USP15: variants seen among roughly 807,000 people sequenced by gnomAD.
USP15 encodes the protein ubiquitin carboxyl-terminal hydrolase 15.
USP15 carries 18 observed loss-of-function variants against 127.1 expected under a neutral mutation model. The observed-to-expected ratio is 0.14, with a 90% confidence interval of 0.10 to 0.21. The LOEUF is 0.21. Among genes scored for constraint, USP15 ranks in the 10% least tolerant of loss-of-function variants. USP15 has a pLI of 1.00. For missense variants in USP15, 805 were observed against 1,159.9 expected (o/e 0.69, Z 4.44); for synonymous variants, 364 against 393.7 (o/e 0.92, Z 0.89).
intron 6 of USP15, among the ~76,000 whole-genome samples, chr12:62,333,482 A>G (rs2065365311): frequency 6.6e-6 from 1 of 151,832 alleles, no homozygotes; most frequent in African/African-American, 2.4e-5. Flanking sequence ...TGTTTTTATA[A>G]AGATGGGGTT....
At chr12:62,295,216 A>G (rs2064094481) in intron 2 of USP15, among the ~76,000 whole-genome samples, 1 of 152,190 alleles carries the variant, frequency 6.6e-6, no homozygotes, top group South Asian at 2.1e-4. Context: ...AGGTCAGACA[A>G]GGTACCACTG....
intron 19 of USP15, 99 bp from the exon 20 acceptor site, chr12:62,396,196 A>G (rs1278520125): frequency 1.4e-6 from 1 of 708,538 alleles, no homozygotes; most frequent in Non-Finnish European, 2.2e-6. Flanking sequence ...GGATAGATAT[A>G]GATATATATA....
intron 3 of USP15, among the ~76,000 whole-genome samples, chr12:62,309,601 A>C (rs932462381): frequency 2.0e-5 from 3 of 152,074 alleles, no homozygotes; most frequent in African/African-American, 7.2e-5. Flanking sequence ...AGGACATTAC[A>C]AGAAAGAAAA....
At chr12:62,293,656 G>C (rs1383608556) in intron 1 of USP15, among the ~76,000 whole-genome samples, 1 of 152,118 alleles carries the variant, frequency 6.6e-6, no homozygotes, top group African/African-American at 2.4e-5. Flanking sequence ...GCGCCCGGCT[G>C]TAATTTTGGT....
Position 62,277,084 on chromosome 12 carries a change from C to T in USP15, c.89+16581C>T, listed in dbSNP as rs573995878. Among the ~76,000 whole-genome samples, 21 of 152,196 alleles carry T rather than the reference C, an allele frequency of 1.4e-4. No individual in the cohort carries two copies. In the South Asian group the frequency reaches 4.4e-3, roughly 32 times the overall value. On this transcript the variant is annotated intron_variant, in intron 1 of 21. Transcript: ENST00000280377. ...TATGTGAAGATGTATCTATACATAA[C>T]TTCTGTGTTAAACAAAAGACGTTTA...
At chr12:62,388,117 ATTTTTTTTT>A (rs58192089) in intron 11 of USP15, among the ~76,000 whole-genome samples, 30 of 106,598 alleles carry the variant, frequency 2.8e-4, no homozygotes, top group Admixed American at 1.2e-3. Flanking sequence ...AATGGTGAAG[ATTTTTTTTT>A]TTTTTTTTTT....
chr12:62,296,544 A>G (rs557853469), intron 2 of USP15, among the ~76,000 whole-genome samples: 1 of 152,322 alleles, frequency 6.6e-6, no homozygotes, highest in South Asian at 2.1e-4. Context: ...ATACATACCT[A>G]CCTAATGGCA....
intron 8 of USP15, among the ~76,000 whole-genome samples, chr12:62,358,304 TTAC>T (rs1283645800): frequency 6.6e-6 from 1 of 152,224 alleles, no homozygotes; most frequent in Non-Finnish European, 1.5e-5. Context: ...TTTAACATTA[TTAC>T]TGTTATTATT....
intron 3 of USP15, among the ~76,000 whole-genome samples, chr12:62,307,066 A>G (rs2064507315): frequency 6.6e-6 from 1 of 152,182 alleles, no homozygotes; most frequent in Admixed American, 6.6e-5. Flanking sequence ...CTTATCCTAC[A>G]GAACATTTGT....
intron 20 of USP15, among the ~76,000 whole-genome samples, chr12:62,399,668 T>C (rs1307226176): frequency 6.6e-6 from 1 of 152,178 alleles, no homozygotes; most frequent in African/African-American, 2.4e-5. Flanking sequence ...TCCATCTCTT[T>C]CTACGGTTTC....
chr12:62,358,421 A>G (rs1424502886), intron 8 of USP15, among the ~76,000 whole-genome samples: 9 of 152,186 alleles, frequency 5.9e-5, no homozygotes, highest in Admixed American at 2.0e-4. Context: ...AAAAATAACA[A>G]TACAACAGTT....
intron 6 of USP15, among the ~76,000 whole-genome samples, chr12:62,343,604 G>T (rs561549131): frequency 2.6e-5 from 4 of 152,144 alleles, no homozygotes; most frequent in African/African-American, 9.7e-5. Flanking sequence ...CGTAGTACCC[G>T]GGCCAGGTAG....
chr12:62,370,858 A>C (rs1475464469), intron 8 of USP15, among the ~76,000 whole-genome samples: 2 of 152,162 alleles, frequency 1.3e-5, no homozygotes, highest in African/African-American at 4.8e-5. Context: ...TACTTACACT[A>C]ATCTTGATTA....
At chr12:62,355,265 A>G (rs2066085147) in intron 7 of USP15, 66 bp from the exon 8 acceptor site, 3 of 1,365,744 alleles carry the variant, frequency 2.2e-6, no homozygotes, top group Non-Finnish European at 2.9e-6. Flanking sequence ...ATAGGCCTAA[A>G]GTACTCTTTA....
chr12:62,266,736 A>G (rs1394417196), intron 1 of USP15, among the ~76,000 whole-genome samples: 1 of 152,144 alleles, frequency 6.6e-6, no homozygotes, highest in Non-Finnish European at 1.5e-5. Context: ...ACCAAAATAT[A>G]TATATTTATA....
rs1047413492 is a variant in USP15, at chr12:62,416,121, A to G, written c.*11746A>G. ...CTCAAACATGTCATACTACTTGACAATGGGGCTTTCCCACATTTGTCCCAC... is the reference window on the plus strand; with the variant it reads ...CTCAAACATGTCATACTACTTGACAGTGGGGCTTTCCCACATTTGTCCCAC... On this transcript the variant is annotated 3_prime_UTR_variant, in exon 22 of 22. Transcript: ENST00000280377. The G allele has an allele frequency of 1.3e-5, 2 of 152,202 alleles. No homozygotes were observed. Among genetic ancestry groups the G allele is most frequent in the Non-Finnish European group, 2.9e-5 (2 of 68,046 alleles). 9.4% of individuals were successfully genotyped at this position (152,202 alleles called of 1,614,324 possible).
intron 1 of USP15, chr12:62,278,977 A>G (rs2063572627): frequency 6.6e-6 from 1 of 152,192 alleles, no homozygotes; most frequent in Non-Finnish European, 1.5e-5. Context: ...GTCACACCGT[A>G]AGTTGAACTG....
chr12:62,263,755 A>G (rs1251569092), intron 1 of USP15, among the ~76,000 whole-genome samples: 1 of 152,238 alleles, frequency 6.6e-6, no homozygotes, highest in African/African-American at 2.4e-5. Flanking sequence ...AATTTCAACA[A>G]GAGATCAGAA....
chr12:62,387,572 T>G (rs534150848), intron 11 of USP15, among the ~76,000 whole-genome samples: 1 of 152,276 alleles, frequency 6.6e-6, no homozygotes, highest in Non-Finnish European at 1.5e-5. Flanking sequence ...GCAGTCATAT[T>G]ACAAAGAGGT....
Sources: gnomAD v4.1 joint callset for allele counts (sites outside exome capture counted in the v4.1 genomes callset) on GRCh38, gnomAD v4.1.1 for gene constraint, MANE v1.5 for transcripts, NCBI Gene and HGNC (gene_info 2026-07-23, HGNC 2026-07-21) for gene names.